The following DPY19L2 variants were observed in gnomAD, a reference collection of about 807,000 sequenced individuals.
The protein encoded by DPY19L2 is probable C-mannosyltransferase DPY19L2.
In DPY19L2, 34 loss-of-function variants were observed where a neutral mutation model predicts 97.9. The ratio of observed to expected loss-of-function variants is 0.35; its 90% confidence interval spans 0.26 to 0.46. The LOEUF (loss-of-function observed/expected upper bound fraction) is 0.46. Among genes scored for constraint, DPY19L2 ranks in the 20% least tolerant of loss-of-function variants. The pLI is 1.00. For missense variants in DPY19L2, 623 were observed against 911.4 expected (o/e 0.68, Z 4.07); for synonymous variants, 230 against 307.9 (o/e 0.75, Z 2.65).
Position 63,668,244 on chromosome 12 carries a change from GC to G in DPY19L2, c.149del (p.Gly50AlafsTer13). ...SALGGGKLPR[G>X]SWRSSPGRIQ... ...TCCTCCCCGGGGAGGACCTCCAGGA[GC>G]CCCTTGGCAGTTTCCCGCCGCCTAG... On this transcript the variant is annotated frameshift_variant, in exon 1 of 22. Coordinates refer to ENST00000324472, the MANE Select transcript of DPY19L2 (RefSeq NM_173812.5). LOFTEE classifies it high-confidence loss of function. 1 of 1,613,780 alleles carries G rather than the reference GC, an allele frequency of 6.2e-7. No homozygotes were observed. Among genetic ancestry groups the G allele is most frequent in the Non-Finnish European group, 8.5e-7 (1 of 1,179,838 alleles).
chr12:63,593,646 A>G (rs1348387000), intron 16 of DPY19L2, among the ~76,000 whole-genome samples: 1 of 150,076 alleles, frequency 6.7e-6, no homozygotes, highest in Non-Finnish European at 1.5e-5. Flanking sequence ...GTTGTGGGGT[A>G]GGGGGAGAGG....
At chr12:63,634,624 A>G (rs373758217) in intron 6 of DPY19L2, among the ~76,000 whole-genome samples, 1 of 152,206 alleles carries the variant, frequency 6.6e-6, no homozygotes, top group South Asian at 2.1e-4. Flanking sequence ...ACGGCACACC[A>G]GGAGATTACA....
intron 12 of DPY19L2, among the ~76,000 whole-genome samples, chr12:63,603,067 G>C (rs1885439843): frequency 6.6e-6 from 1 of 152,088 alleles, no homozygotes; most frequent in African/African-American, 2.4e-5. Context: ...CAGCAGCATG[G>C]CAGGCAAATG....
intron 6 of DPY19L2, among the ~76,000 whole-genome samples, chr12:63,631,561 G>A (rs192383709): frequency 7.2e-5 from 11 of 152,210 alleles, no homozygotes; most frequent in Admixed American, 3.3e-4. Flanking sequence ...CTGAAATTGA[G>A]GCAATAATCA....
chr12:63,643,357 C>T (rs554115221), intron 6 of DPY19L2, among the ~76,000 whole-genome samples: 4 of 152,020 alleles, frequency 2.6e-5, no homozygotes, highest in African/African-American at 9.6e-5. Context: ...TGAGAACTTC[C>T]TAAAACAAAG....
chr12:63,622,853 G>A (rs1422364141), intron 8 of DPY19L2, among the ~76,000 whole-genome samples: 1 of 152,160 alleles, frequency 6.6e-6, no homozygotes, highest in African/African-American at 2.4e-5. Context: ...TTGAACCCGG[G>A]AAGCAGAGGT....
In DPY19L2 at chr12:63,581,805, CTTTTTCTT is replaced by C. The variant is rs572485811; in HGVS notation, c.1725+593_1725+600del. 4.4e-3 allele frequency among the ~76,000 whole-genome samples: 619 copies of C among 140,544 alleles called. 19 individuals are homozygous for C. The highest frequency in any genetic ancestry group is 0.016 in the African/African-American group (585 of 37,432). 92.2% of individuals were successfully genotyped at this position (140,544 alleles called of 152,430 possible). A position where few individuals can be genotyped will look rare whatever the true frequency, so the allele number is the denominator to read the frequency against. ...GCCACCAGGAAACTCTTTTTTTTCTCTTTTTCTTTTTTTGAGACAGAGTCTCACTCTGT... is the reference window on the plus strand; with the variant it reads ...GCCACCAGGAAACTCTTTTTTTTCTCTTTTTGAGACAGAGTCTCACTCTGT... On this transcript the variant is annotated intron_variant, in intron 18 of 21. Transcript: ENST00000324472.
intron 16 of DPY19L2, among the ~76,000 whole-genome samples, chr12:63,585,871 C>T (rs1881703682): frequency 1.3e-5 from 2 of 152,150 alleles, no homozygotes; most frequent in South Asian, 4.2e-4. Flanking sequence ...TTAAAATAAG[C>T]TCCAGTGAAA....
rs1468761316 is a variant in DPY19L2, at chr12:63,559,462, C to G, written c.*1050G>C. ...AAAGAATGTTTATCTTTGCATTTGG[C>G]AAGAGTATCTTCAAGATAACTACCA... On this transcript the variant is annotated 3_prime_UTR_variant, in exon 22 of 22. Coordinates refer to ENST00000324472, the MANE Select transcript of DPY19L2 (RefSeq NM_173812.5). 6.6e-6 allele frequency: 1 copy of G among 152,490 alleles called. No individual in the cohort carries two copies. Among genetic ancestry groups the G allele is most frequent in the East Asian group, 1.9e-4 (1 of 5,196 alleles). The allele number at this position is 152,490 out of a possible 1,614,324, so 9.4% of individuals were successfully genotyped here.
chr12:63,564,747 TG>T (rs1877316714), intron 21 of DPY19L2, among the ~76,000 whole-genome samples: 1 of 152,190 alleles, frequency 6.6e-6, no homozygotes, highest in Admixed American at 6.5e-5. Context: ...TCATATTGGT[TG>T]ATGGCATCAT....
chr12:63,635,676 A>C (rs1891540049), intron 6 of DPY19L2, among the ~76,000 whole-genome samples: 1 of 152,170 alleles, frequency 6.6e-6, no homozygotes, highest in Non-Finnish European at 1.5e-5. Flanking sequence ...CAAGTGGAAG[A>C]AAGGGTATCA....
intron 6 of DPY19L2, among the ~76,000 whole-genome samples, chr12:63,636,082 G>A (rs1413525620): frequency 6.9e-6 from 1 of 144,446 alleles, no homozygotes; most frequent in Non-Finnish European, 1.5e-5. Context: ...CTGATCTCTT[G>A]GCAGAAACTC....
chr12:63,630,847 C>T (rs1376930533), intron 6 of DPY19L2, among the ~76,000 whole-genome samples: 1 of 152,110 alleles, frequency 6.6e-6, no homozygotes, highest in Non-Finnish European at 1.5e-5. Context: ...TGTAAAAGAA[C>T]AGAAATTATA....
At chr12:63,578,019 A>G (rs1047583728) in intron 19 of DPY19L2, among the ~76,000 whole-genome samples, 3 of 152,188 alleles carry the variant, frequency 2.0e-5, no homozygotes, top group African/African-American at 7.2e-5. Context: ...ACTTCTCACA[A>G]TAGTCTAGAT....
chr12:63,620,371 A>G (rs1168276517), intron 9 of DPY19L2: 1 of 173,068 alleles, frequency 5.8e-6, no homozygotes, highest in Admixed American at 6.1e-5. Context: ...CCTGCTGTGA[A>G]GAGCAGGATT....
intron 21 of DPY19L2, among the ~76,000 whole-genome samples, chr12:63,562,798 C>CTT (rs59380942): frequency 0.29 from 40,623 of 139,500 alleles, 6,122 homozygotes; most frequent in African/African-American, 0.38. Flanking sequence ...TCCTTTTGTC[C>CTT]TTTTTTTTTT....
chr12:63,621,912 T>C (rs1888754137), intron 8 of DPY19L2, among the ~76,000 whole-genome samples: 1 of 152,158 alleles, frequency 6.6e-6, no homozygotes, highest in Non-Finnish European at 1.5e-5. Flanking sequence ...AACCAATACC[T>C]TTTACCACAG....
chr12:63,642,713 T>G (rs1892871469), intron 6 of DPY19L2, among the ~76,000 whole-genome samples: 1 of 151,914 alleles, frequency 6.6e-6, no homozygotes, highest in Admixed American at 6.6e-5. Context: ...AGCTTCATAA[T>G]ACAGCAACAA....
intron 6 of DPY19L2, among the ~76,000 whole-genome samples, chr12:63,633,237 C>T (rs1205851184): frequency 7.3e-5 from 11 of 150,178 alleles, no homozygotes; most frequent in Non-Finnish European, 1.2e-4. Context: ...AACTACACAG[C>T]TTCTGCACGC....
Sources: allele counts gnomAD v4.1 joint callset (sites outside exome capture counted in the v4.1 genomes callset), GRCh38; gene constraint gnomAD v4.1.1; transcripts MANE v1.5; gene names NCBI Gene and HGNC (gene_info 2026-07-23, HGNC 2026-07-21).